Variants in ARK2C observed in about 807,000 individuals in gnomAD.
ARK2C encodes arkadia (RNF111) C-terminal like ring finger ubiquitin ligase 2C.
chr18:46,345,614 C>G, the ARK2C span, among the ~76,000 whole-genome samples: 2 of 152,196 alleles, frequency 1.3e-5, no homozygotes, highest in Admixed American at 6.5e-5. Flanking sequence ...ACTCCTAGGG[C>G]AAAACAGGGC....
At chr18:46,346,153 T>C in the ARK2C span, among the ~76,000 whole-genome samples, 1 of 152,082 alleles carries the variant, frequency 6.6e-6, no homozygotes, top group Non-Finnish European at 1.5e-5. Context: ...CATTTCAACA[T>C]GGTGGCAGAT....
the ARK2C span, among the ~76,000 whole-genome samples, chr18:46,439,918 C>A: frequency 6.6e-6 from 1 of 152,214 alleles, no homozygotes; most frequent in Non-Finnish European, 1.5e-5. Flanking sequence ...GTAAACTCTG[C>A]TTCCCAGGTT....
At chr18:46,354,216 A>G in the ARK2C span, among the ~76,000 whole-genome samples, 2 of 152,348 alleles carry the variant, frequency 1.3e-5, no homozygotes, top group Admixed American at 1.3e-4. Context: ...CCAGCACCAG[A>G]GACAGGGGAC....
At chr18:46,345,575 A>G in the ARK2C span, among the ~76,000 whole-genome samples, 1 of 152,154 alleles carries the variant, frequency 6.6e-6, no homozygotes, top group South Asian at 2.1e-4. Context: ...GGTGGACTAG[A>G]CGTGTGCGCA....
At chr18:46,407,390 T>C in the ARK2C span, among the ~76,000 whole-genome samples, 1 of 152,170 alleles carries the variant, frequency 6.6e-6, no homozygotes, top group Non-Finnish European at 1.5e-5. Context: ...CTTGCTCACA[T>C]GTTTTCTCTT....
the ARK2C span, chr18:46,456,528 C>T: frequency 6.2e-7 from 1 of 1,612,680 alleles, no homozygotes; most frequent in South Asian, 1.1e-5. Context: ...GACGCCTACC[C>T]TGTATGCATC....
chr18:46,346,938 C>G, the ARK2C span, among the ~76,000 whole-genome samples: 1 of 152,200 alleles, frequency 6.6e-6, no homozygotes, highest in South Asian at 2.1e-4. Context: ...TGACCTGTAG[C>G]CTAACTGGGG....
the ARK2C span, among the ~76,000 whole-genome samples, chr18:46,343,446 G>A: frequency 1.3e-5 from 2 of 152,178 alleles, no homozygotes; most frequent in African/African-American, 4.8e-5. Context: ...ATGAAGTAAT[G>A]CATAGGAAAC....
chr18:46,356,869 G>T, the ARK2C span, among the ~76,000 whole-genome samples: 24,906 of 152,080 alleles, frequency 0.16, 2,583 homozygotes, highest in East Asian at 0.33. Flanking sequence ...CAGGGAAAAC[G>T]GAAACTCCAG....
chr18:46,459,352 ACACT>A, the ARK2C span: 1 of 152,368 alleles, frequency 6.6e-6, no homozygotes, highest in East Asian at 1.9e-4. Flanking sequence ...TTTCCTTCTG[ACACT>A]CACACTCCCT....
chr18:46,455,570 C>T, the ARK2C span, among the ~76,000 whole-genome samples: 227 of 152,196 alleles, frequency 1.5e-3, 5 homozygotes, highest in East Asian at 0.039. Context: ...GGCAAGGTGG[C>T]TCACATCTAT....
chr18:46,342,363 T>C, the ARK2C span, among the ~76,000 whole-genome samples: 1 of 152,216 alleles, frequency 6.6e-6, no homozygotes, highest in African/African-American at 2.4e-5. Context: ...TGGGACCGAT[T>C]CTGAATGCTA....
At chr18:46,394,753 G>A in the ARK2C span, among the ~76,000 whole-genome samples, 5 of 152,224 alleles carry the variant, frequency 3.3e-5, no homozygotes, top group Non-Finnish European at 7.3e-5. Context: ...CACTGTTCAA[G>A]GACGACTGTG....
chr18:46,338,087 CTT>C, the ARK2C span, among the ~76,000 whole-genome samples: 1 of 152,258 alleles, frequency 6.6e-6, no homozygotes, highest in African/African-American at 2.4e-5. Flanking sequence ...AACTAGCAAT[CTT>C]GTAGCATTTC....
At chr18:46,438,307 G>C in the ARK2C span, among the ~76,000 whole-genome samples, 2 of 152,178 alleles carry the variant, frequency 1.3e-5, no homozygotes, top group African/African-American at 4.8e-5. Context: ...GTCAGGTCCT[G>C]GTCAGACTTC....
chr18:46,392,650 G>A, the ARK2C span, among the ~76,000 whole-genome samples: 3 of 152,178 alleles, frequency 2.0e-5, no homozygotes, highest in Admixed American at 2.0e-4. Context: ...GGCCAAGGCT[G>A]GGGGACACTG....
chr18:46,414,481 C>T, the ARK2C span, among the ~76,000 whole-genome samples: 20 of 152,300 alleles, frequency 1.3e-4, no homozygotes, highest in Admixed American at 9.8e-4. Flanking sequence ...CACACACACA[C>T]ATCACAGGTG....
At chr18:46,410,956 G>C in the ARK2C span, among the ~76,000 whole-genome samples, 43 of 152,308 alleles carry the variant, frequency 2.8e-4, no homozygotes, top group Admixed American at 2.7e-3. Flanking sequence ...TCAGGTGCTG[G>C]CTGTGCATGG....
the ARK2C span, chr18:46,462,926 C>T: frequency 5.9e-5 from 9 of 152,214 alleles, no homozygotes; most frequent in Non-Finnish European, 1.2e-4. Flanking sequence ...TTGTAATCCT[C>T]CTGCTGTTCT....
Sources: allele counts gnomAD v4.1 joint callset (sites outside exome capture counted in the v4.1 genomes callset), GRCh38; gene constraint gnomAD v4.1.1; transcripts MANE v1.5; gene names NCBI Gene and HGNC (gene_info 2026-07-23, HGNC 2026-07-21).